Variants in AAK1 observed in about 807,000 individuals in gnomAD.
AAK1 encodes AP2-associated protein kinase 1.
A neutral mutation model predicts 116.0 loss-of-function variants in AAK1; 37 were observed. The observed-to-expected ratio is 0.32, with a 90% confidence interval of 0.25 to 0.42. The LOEUF is 0.42. AAK1 is among the 10% of genes least tolerant of loss of function. AAK1 has a pLI of 1.00. For missense variants in AAK1, 919 were observed against 1,170.6 expected (o/e 0.79, Z 3.14); for synonymous variants, 458 against 439.9 (o/e 1.04, Z -0.51).
chr2:69,477,564 T>C (rs1256709181), intron 20 of AAK1, among the ~76,000 whole-genome samples: 5 of 152,172 alleles, frequency 3.3e-5, no homozygotes, highest in African/African-American at 7.2e-5. Context: ...AGGCCTCAAG[T>C]AGAAGTTTGT....
At chr2:69,547,664 T>C (rs1184231156) in intron 3 of AAK1, among the ~76,000 whole-genome samples, 2 of 152,060 alleles carry the variant, frequency 1.3e-5, no homozygotes, top group Non-Finnish European at 2.9e-5. Flanking sequence ...CTAGTAGAAA[T>C]ATAAAATGAT....
rs961374051 is a variant in AAK1 at position 69,643,349 on chromosome 2, A to T, written c.-234-75T>A. 17 of 1,218,428 alleles carry T rather than the reference A, an allele frequency of 1.4e-5. No individual in the cohort carries two copies. The African/African-American group carries it at 2.5e-4, about 18-fold the overall frequency. The allele number at this position is 1,218,428 out of a possible 1,614,324, so 75.5% of individuals were successfully genotyped here. Reference sequence around the variant, plus strand: ...AATTCAACCGCTGAGTCCTAGGGGGAGCAAAAGCCATCATCCTGGGGAAAC... The same window carrying T: ...AATTCAACCGCTGAGTCCTAGGGGGTGCAAAAGCCATCATCCTGGGGAAAC... On this transcript the variant is annotated intron_variant, in intron 1 of 21. Transcript: ENST00000409085.
At chr2:69,553,273 T>C (rs1671251574) in intron 3 of AAK1, among the ~76,000 whole-genome samples, 1 of 152,112 alleles carries the variant, frequency 6.6e-6, no homozygotes, top group East Asian at 1.9e-4. Flanking sequence ...CCCAACGGAC[T>C]AGGCATTAGA....
Position 69,474,484 on chromosome 2 carries a change from T to G in AAK1, c.*1385A>C, listed in dbSNP as rs1238497340. 2 of 985,118 alleles carry G rather than the reference T, an allele frequency of 2.0e-6. No homozygotes were observed. Among genetic ancestry groups the G allele is most frequent in the African/African-American group, 3.5e-5 (2 of 57,218 alleles). 61.0% of individuals were successfully genotyped at this position (985,118 alleles called of 1,614,324 possible). On this transcript the variant is annotated 3_prime_UTR_variant, in exon 22 of 22. Transcript: ENST00000409085. ...ATGTTGTCATGTTAGTGCAGGGGCC[T>G]TTATTTATTTTATGAACAATATCCT...
chr2:69,605,962 C>G lies in AAK1; in HGVS notation c.163+36916G>C, dbSNP rs147697123. The stretch of plus-strand genomic sequence containing the variant: ...CAGGATGTGATCCAGAGCTACTGTT[C>G]AGCCCATTCCTCCCCTCCACCCCCA... On this transcript the variant is annotated intron_variant, in intron 2 of 21. Coordinates refer to ENST00000409085, the MANE Select transcript of AAK1 (RefSeq NM_014911.5). 2.3e-3 allele frequency among the ~76,000 whole-genome samples: 355 copies of G among 152,270 alleles called. 1 individual carries two copies. The highest frequency in any genetic ancestry group is 4.1e-3 in the Non-Finnish European group (277 of 68,016).
At chr2:69,564,704 T>G (rs950600188) in intron 2 of AAK1, among the ~76,000 whole-genome samples, 2 of 152,192 alleles carry the variant, frequency 1.3e-5, no homozygotes, top group Non-Finnish European at 2.9e-5. Flanking sequence ...GAGGCTGTCC[T>G]CTTACCTGCC....
intron 2 of AAK1, among the ~76,000 whole-genome samples, chr2:69,607,818 A>G (rs11886014): frequency 0.11 from 17,468 of 152,148 alleles, 2,260 homozygotes; most frequent in African/African-American, 0.3. Flanking sequence ...GCTTGCTGTG[A>G]ACAGACATAT....
In AAK1 at chr2:69,470,564, G is replaced by T. The variant is rs1330673887; in HGVS notation, c.*5305C>A. The T allele has an allele frequency of 2.0e-6, 2 of 985,240 alleles. No homozygotes were observed. The highest frequency in any genetic ancestry group is 6.1e-5 in the Admixed American group (1 of 16,262). The allele number at this position is 985,240 out of a possible 1,614,324, so 61.0% of individuals were successfully genotyped here. A position where few individuals can be genotyped will look rare whatever the true frequency, so the allele number is the denominator to read the frequency against. On this transcript the variant is annotated 3_prime_UTR_variant, in exon 22 of 22. Transcript: ENST00000409085. ...TTAAATGAGTGAGTTTTCTCACTGG[G>T]GATAAAATTATTCTTGCCAACACAA...
rs1423713561 is a variant in AAK1 at position 69,519,009 on chromosome 2, G to A, written c.1442C>T (p.Ala481Val). Residue 481 changes from alanine to valine, a missense_variant, in exon 12 of 22, where the codon GCA becomes GTA. Transcript: ENST00000409085. The stretch of plus-strand genomic sequence containing the variant: ...AAACGTGCCTGCCGGCTGCTGCTGT[G>A]CTGGCGGTGGCTGTTGCTGCTGCTG... ...QQQQQQQPPP[A>V]QQQPAGTFYQ... 9.7e-6 allele frequency: 15 copies of A among 1,549,990 alleles called. No individual in the cohort carries two copies. Among genetic ancestry groups the A allele is most frequent in the Non-Finnish European group, 1.3e-5 (15 of 1,146,564 alleles).
chr2:69,581,907 A>C (rs1672563247), intron 2 of AAK1, among the ~76,000 whole-genome samples: 1 of 152,114 alleles, frequency 6.6e-6, no homozygotes, highest in South Asian at 2.1e-4. Context: ...GCTTGAGCCC[A>C]GGTGGTTGAA....
chr2:69,488,474 TTTTTCTAAGCAA>T (rs1224387457), intron 17 of AAK1, among the ~76,000 whole-genome samples: 1 of 152,150 alleles, frequency 6.6e-6, no homozygotes, highest in African/African-American at 2.4e-5. Context: ...AGTTGCCTGA[TTTTTCTAAGCAA>T]TTTTCTCACC....
At position 69,532,101 on chromosome 2, in the gene AAK1, G is replaced by A; in HGVS notation, c.596C>T (p.Thr199Ile). 2 of 1,613,646 alleles carry A rather than the reference G, an allele frequency of 1.2e-6. No individual in the cohort carries two copies. Among genetic ancestry groups the A allele is most frequent in the Non-Finnish European group, 1.7e-6 (2 of 1,179,662 alleles). Residue 199 changes from threonine (T) to isoleucine (I), a missense_variant, in exon 6 of 22, where the codon ACC (threonine) becomes ATC (isoleucine). Thr to Ile is a moderately conservative substitution (Grantham distance 89). Around this residue, in one of 4 missense-constraint regions of AAK1, gnomAD observed 317 missense variants for 490.4 expected, o/e 0.65. Transcript: ENST00000409085. The stretch of plus-strand genomic sequence containing the variant: ...AGTTTGTGGATTCTGGAATTTGTTG[G>A]TGGCGCTTCCAAAGTCACACAGGAC... ...HYVLCDFGSA[T>I]NKFQNPQTEG...
intron 2 of AAK1, among the ~76,000 whole-genome samples, chr2:69,572,686 C>T (rs917945534): frequency 2.6e-5 from 4 of 151,752 alleles, no homozygotes; most frequent in Non-Finnish European, 4.4e-5. Flanking sequence ...TCTTGAGTGC[C>T]CCTTAAATTC....
chr2:69,486,031 T>A (rs924721527), intron 17 of AAK1, among the ~76,000 whole-genome samples: 1 of 151,932 alleles, frequency 6.6e-6, no homozygotes, highest in Non-Finnish European at 1.5e-5. Context: ...CACGGCTCAC[T>A]GCAGCCTCGA....
chr2:69,595,398 G>A (rs1288967778), intron 2 of AAK1, among the ~76,000 whole-genome samples: 1 of 152,248 alleles, frequency 6.6e-6, no homozygotes, highest in East Asian at 1.9e-4. Context: ...TTACAGGCGT[G>A]AGCCACTGCA....
intron 16 of AAK1, among the ~76,000 whole-genome samples, chr2:69,499,083 C>T (rs527818790): frequency 6.6e-6 from 1 of 152,290 alleles, no homozygotes; most frequent in Admixed American, 6.5e-5. Context: ...TGCTATCAGA[C>T]CCAGCTCAGT....
chr2:69,611,667 G>A (rs1002983757), intron 2 of AAK1, among the ~76,000 whole-genome samples: 8 of 152,274 alleles, frequency 5.3e-5, no homozygotes, highest in Admixed American at 5.2e-4. Context: ...AGAACAGAAT[G>A]CAGGGTCTTG....
intron 5 of AAK1, among the ~76,000 whole-genome samples, chr2:69,537,599 T>C (rs79556773): frequency 0.034 from 5,109 of 152,172 alleles, 197 homozygotes; most frequent in African/African-American, 0.093. Flanking sequence ...AACAGGAAAA[T>C]AGAGAACTCT....
chr2:69,589,941 T>C (rs1672958306), intron 2 of AAK1, among the ~76,000 whole-genome samples: 1 of 151,496 alleles, frequency 6.6e-6, no homozygotes, highest in Non-Finnish European at 1.5e-5. Flanking sequence ...AGCAAGATAA[T>C]AAAAAGAGAA....
Sources: allele counts gnomAD v4.1 joint callset (sites outside exome capture counted in the v4.1 genomes callset), GRCh38; gene constraint gnomAD v4.1.1; regional missense constraint gnomAD v4.1.1; transcripts MANE v1.5; gene names NCBI Gene and HGNC (gene_info 2026-07-23, HGNC 2026-07-21).